Variants in LARGE1 observed in about 807,000 individuals in gnomAD.
The protein encoded by LARGE1 is LARGE xylosyl- and glucuronyltransferase 1.
In LARGE1, 43 loss-of-function variants were observed where a neutral mutation model predicts 87.6. The observed-to-expected ratio is 0.49, with a 90% CI of 0.38 to 0.63. The LOEUF is 0.63. Among genes scored for constraint, LARGE1 ranks in the 30% least tolerant of loss-of-function variants. LARGE1 has a pLI of 0.00. For missense variants in LARGE1, 802 were observed against 1,000.2 expected, an observed-to-expected ratio of 0.80 and a Z score of 2.67; for synonymous variants, 434 against 394.6, an observed-to-expected ratio of 1.10 and a Z score of -1.18.
rs1000835027 is a variant in LARGE1 at position 33,274,529 on chromosome 22, G to A, written c.2169C>T (p.Tyr723=). 2.2e-5 allele frequency: 35 copies of A among 1,614,076 alleles called. No individual in the cohort carries two copies. The highest frequency in any genetic ancestry group is 3.0e-5 in the Non-Finnish European group (35 of 1,180,048). Residue 723 remains tyrosine (Y), a synonymous_variant, in exon 15 of 15, where the codon TAC becomes TAT. Coordinates refer to ENST00000397394, the MANE Select transcript of LARGE1 (RefSeq NM_133642.5). ...CCTTGAGGGTTTTGAGACAGATGCGGTATTGCTTGTTGGAACGGAACTTGG... is the reference window on the plus strand; with the variant it reads ...CCTTGAGGGTTTTGAGACAGATGCGATATTGCTTGTTGGAACGGAACTTGG... ...DITKFRSNKQ[Y]RICLKTLKEE... is the part of the protein sequence containing the mutation.
intron 10 of LARGE1, among the ~76,000 whole-genome samples, chr22:33,326,730 T>G (rs2146429603): frequency 1.3e-5 from 2 of 152,186 alleles, no homozygotes; most frequent in South Asian, 4.1e-4. Context: ...GGGAGGGAGC[T>G]GCTTTATAGA....
chr22:33,825,467 C>T (rs1365421526), intron 1 of LARGE1, among the ~76,000 whole-genome samples: 1 of 151,364 alleles, frequency 6.6e-6, no homozygotes, highest in Non-Finnish European at 1.5e-5. Context: ...GCTGGGGAGG[C>T]CTCAGGAAAC....
the LARGE1 span, among the ~76,000 whole-genome samples, chr22:33,113,488 T>G: frequency 6.6e-6 from 1 of 152,232 alleles, no homozygotes; most frequent in African/African-American, 2.4e-5. Context: ...ATTACAGGCG[T>G]GAGCCACTGC....
At chr22:33,874,855 A>G (rs2064414164) in intron 1 of LARGE1, among the ~76,000 whole-genome samples, 2 of 152,240 alleles carry the variant, frequency 1.3e-5, no homozygotes, top group Non-Finnish European at 2.9e-5. Context: ...AGCCACTGAC[A>G]TGTCAGATGC....
chr22:33,868,033 C>T (rs975042777), intron 1 of LARGE1, among the ~76,000 whole-genome samples: 4 of 152,194 alleles, frequency 2.6e-5, no homozygotes, highest in South Asian at 2.1e-4. Flanking sequence ...GCACACTACC[C>T]GCTCCATTTT....
chr22:33,473,259 C>T (rs1240241980), intron 6 of LARGE1, among the ~76,000 whole-genome samples: 1 of 152,046 alleles, frequency 6.6e-6, no homozygotes, highest in African/African-American at 2.4e-5. Flanking sequence ...ACCTCCGGCT[C>T]CCAGGTTCAA....
chr22:33,606,487 AGGATGACT>A (rs1210087744), intron 4 of LARGE1, among the ~76,000 whole-genome samples: 2 of 152,010 alleles, frequency 1.3e-5, no homozygotes, highest in Non-Finnish European at 2.9e-5. Flanking sequence ...TGTGGGGGGC[AGGATGACT>A]GGCCTTTTAG....
chr22:33,855,707 G>A (rs1207916235), intron 1 of LARGE1, among the ~76,000 whole-genome samples: 1 of 152,164 alleles, frequency 6.6e-6, no homozygotes, highest in Non-Finnish European at 1.5e-5. Flanking sequence ...CTTAGTTTTC[G>A]AAGTGGAGCA....
At chr22:33,566,438 T>C (rs545092465) in intron 5 of LARGE1, among the ~76,000 whole-genome samples, 1 of 152,168 alleles carries the variant, frequency 6.6e-6, no homozygotes, top group Admixed American at 6.5e-5. Flanking sequence ...AAGAAAAAAA[T>C]AGCAGCAAGA....
At chr22:33,630,740 A>T in intron 3 of LARGE1, among the ~76,000 whole-genome samples, 1 of 152,224 alleles carries the variant, frequency 6.6e-6, no homozygotes, top group East Asian at 1.9e-4. Flanking sequence ...TTAGTTTATA[A>T]ACATGGTACA....
chr22:33,763,271 A>G (rs747686952), intron 1 of LARGE1, among the ~76,000 whole-genome samples: 48 of 152,166 alleles, frequency 3.2e-4, no homozygotes, highest in Non-Finnish European at 5.4e-4. Flanking sequence ...CCAATAATAA[A>G]CACCTAATGG....
At position 33,728,565 on chromosome 22, in the gene LARGE1, A is replaced by AC. The variant is rs1238307025; in HGVS notation, c.106+32805_106+32806insG. On this transcript the variant is annotated intron_variant, in intron 2 of 14. Transcript: ENST00000397394. ...ACCCCTACCACCAAAAAAAAAAAAA[A>AC]AAAAAAAAAAAAAACCAACAACAGA... 1.7e-3 allele frequency among the ~76,000 whole-genome samples: 242 copies of AC among 146,154 alleles called. 4 individuals are homozygous for AC. The highest frequency in any genetic ancestry group is 5.9e-3 in the African/African-American group (226 of 38,410).
chr22:33,420,375 C>T (rs923268117), intron 7 of LARGE1, among the ~76,000 whole-genome samples: 1 of 152,056 alleles, frequency 6.6e-6, no homozygotes, highest in African/African-American at 2.4e-5. Context: ...GAACTTATAT[C>T]CTCATGGAAA....
intron 6 of LARGE1, among the ~76,000 whole-genome samples, chr22:33,517,112 T>C (rs1424898176): frequency 6.6e-6 from 1 of 152,134 alleles, no homozygotes; most frequent in Non-Finnish European, 1.5e-5. Context: ...CATGTGGCAT[T>C]TTTTTCCCTA....
At chr22:33,466,945 C>T (rs539829305) in intron 6 of LARGE1, among the ~76,000 whole-genome samples, 1 of 152,210 alleles carries the variant, frequency 6.6e-6, no homozygotes, top group South Asian at 2.1e-4. Flanking sequence ...GAAGCTGAGG[C>T]AGGAGAGAAT....
intron 11 of LARGE1, among the ~76,000 whole-genome samples, chr22:33,256,313 G>A (rs771643682): frequency 2.6e-5 from 4 of 152,178 alleles, no homozygotes; most frequent in Non-Finnish European, 5.9e-5. Flanking sequence ...TTTGAAATGG[G>A]TTGACTTTTA....
chr22:33,533,838 T>G (rs1412129615), intron 6 of LARGE1, among the ~76,000 whole-genome samples: 1 of 152,176 alleles, frequency 6.6e-6, no homozygotes, highest in African/African-American at 2.4e-5. Flanking sequence ...ATCTTGTTCA[T>G]ATTTGATGGG....
chr22:33,175,786 C>A (rs1420834520), intron 11 of LARGE1, among the ~76,000 whole-genome samples: 7 of 152,108 alleles, frequency 4.6e-5, no homozygotes, highest in Non-Finnish European at 8.8e-5. Flanking sequence ...ACTTTTTTCA[C>A]AGAATTGGAA....
intron 6 of LARGE1, among the ~76,000 whole-genome samples, chr22:33,508,901 G>T (rs1403454223): frequency 2.0e-5 from 3 of 152,178 alleles, no homozygotes; most frequent in African/African-American, 7.2e-5. Context: ...AACCACAACT[G>T]TTTTCCTCTC....
Sources: gnomAD v4.1 joint callset for allele counts (sites outside exome capture counted in the v4.1 genomes callset) on GRCh38, gnomAD v4.1.1 for gene constraint, MANE v1.5 for transcripts, NCBI Gene and HGNC (gene_info 2026-07-23, HGNC 2026-07-21) for gene names.